Variants in EP400 observed in about 807,000 individuals in gnomAD.
EP400 encodes E1A binding protein p400, also known as E1A-binding protein p400.
EP400 carries 105 observed loss-of-function variants against 354.1 expected under a neutral mutation model. That is an observed-to-expected ratio of 0.30 (90% CI 0.25 to 0.35). The LOEUF is 0.35. Ranked by LOEUF, EP400 falls within the 10% of genes least tolerant of loss-of-function variation. The pLI, the probability that EP400 is intolerant of heterozygous loss-of-function variation, is 1.00. For missense variants in EP400, 3,280 were observed against 4,121.0 expected (o/e 0.80, Z 5.59); for synonymous variants, 1,646 against 1,716.9 (o/e 0.96, Z 1.02).
At chr12:131,987,941 G>GAGTTTGC in intron 7 of EP400, 51 bp downstream of exon 7, 1 of 1,381,998 alleles carries the variant, frequency 7.2e-7, no homozygotes, top group African/African-American at 1.5e-5. Context: ...GTGGGGGCTT[G>GAGTTTGC]AGTTTGCAGT....
chr12:131,979,748 G>C lies in EP400; in HGVS notation c.1390G>C (p.Asp464His). Residue 464 changes from aspartate to histidine, a missense_variant, in exon 3 of 53, where the codon GAC becomes CAC. This residue lies in a region of EP400 where 800 missense variants were observed against 840.0 expected (regional missense o/e 0.95). Transcript: ENST00000389561. ...VAGAGSTVET[D>H]LFKRQQAMPS... The stretch of plus-strand genomic sequence containing the variant: ...AGGGGCCGGAAGCACAGTAGAGACG[G>C]ACCTGTTTAAGAGGCAGCAGGCGAT... 1 of 1,610,636 alleles carries C rather than the reference G, an allele frequency of 6.2e-7. No individual in the cohort carries two copies. The highest frequency in any genetic ancestry group is 8.5e-7 in the Non-Finnish European group (1 of 1,178,380).
chr12:132,046,005 A>G (rs537820666), intron 39 of EP400, 105 bp downstream of exon 39: 1 of 1,411,078 alleles, frequency 7.1e-7, no homozygotes, highest in South Asian at 1.4e-5. Flanking sequence ...GGGCTCCTTC[A>G]TCCCTGTGGG....
chr12:131,995,846 T>G (rs1893193485), intron 12 of EP400, among the ~76,000 whole-genome samples: 3 of 150,096 alleles, frequency 2.0e-5, no homozygotes, highest in Admixed American at 2.0e-4. Flanking sequence ...CCGTTCATCC[T>G]GAGTGTGTGA....
At chr12:131,956,531 C>A (rs1483025796) in intron 1 of EP400, among the ~76,000 whole-genome samples, 1 of 152,078 alleles carries the variant, frequency 6.6e-6, no homozygotes, top group Middle Eastern at 3.4e-3. Flanking sequence ...AGGTTAATTT[C>A]CTTCGGGTAG....
At chr12:132,065,126 G>T (rs962266894) in intron 48 of EP400, 11 of 713,534 alleles carry the variant, frequency 1.5e-5, no homozygotes, top group South Asian at 6.0e-5. Context: ...CTTGAATTGA[G>T]GGGGGTGGAG....
chr12:132,042,749 G>T (rs1894956417), intron 32 of EP400, among the ~76,000 whole-genome samples: 1 of 152,230 alleles, frequency 6.6e-6, no homozygotes, highest in Non-Finnish European at 1.5e-5. Flanking sequence ...TTCAGCAGAT[G>T]AACAGTGGCA....
chr12:131,986,303 C>T (rs1258196962), intron 5 of EP400, among the ~76,000 whole-genome samples: 1 of 152,208 alleles, frequency 6.6e-6, no homozygotes, highest in East Asian at 1.9e-4. Context: ...AATGAAAACT[C>T]CTATTTGGTT....
intron 19 of EP400, among the ~76,000 whole-genome samples, chr12:132,016,016 C>T (rs906348038): frequency 6.6e-6 from 1 of 152,230 alleles, no homozygotes; most frequent in African/African-American, 2.4e-5. Flanking sequence ...GCCGGCCTCT[C>T]CTGGTTCCTG....
chr12:131,992,031 C>A, intron 10 of EP400, 142 bp from the exon 11 acceptor site: 1 of 807,810 alleles, frequency 1.2e-6, no homozygotes, highest in Non-Finnish European at 2.1e-6. Flanking sequence ...GCTGCCCTGC[C>A]CCGACCCCAA....
At chr12:131,953,643 T>G (rs1891594645) in intron 1 of EP400, among the ~76,000 whole-genome samples, 1 of 152,248 alleles carries the variant, frequency 6.6e-6, no homozygotes, top group Non-Finnish European at 1.5e-5. Context: ...GGAACTAGTA[T>G]GGTACTTCTG....
intron 37 of EP400, 47 bp from the exon 38 acceptor site, chr12:132,045,272 G>T (rs768904603): frequency 6.2e-7 from 1 of 1,603,160 alleles, no homozygotes; most frequent in Admixed American, 1.7e-5. Context: ...CTGCCCGTGT[G>T]GAATCTCCTG....
intron 1 of EP400, among the ~76,000 whole-genome samples, chr12:131,951,972 GA>G (rs1891519358): frequency 6.6e-6 from 1 of 151,284 alleles, no homozygotes. Flanking sequence ...TTTTAGTAGA[GA>G]GGGGGTTTCA....
chr12:131,970,386 T>A (rs905986153), intron 2 of EP400, among the ~76,000 whole-genome samples: 4 of 152,170 alleles, frequency 2.6e-5, no homozygotes, highest in Non-Finnish European at 5.9e-5. Context: ...TTGGTCTAGT[T>A]ATTTGGAAAC....
chr12:132,041,200 T>G (rs1693568831), intron 32 of EP400, among the ~76,000 whole-genome samples: 1 of 152,266 alleles, frequency 6.6e-6, no homozygotes, highest in Admixed American at 6.5e-5. Flanking sequence ...TATAGGATTC[T>G]TCTGTCATTG....
chr12:132,066,815 G>A lies in EP400; in HGVS notation c.8595G>A (p.Met2865Ile), dbSNP rs1053341171. The change falls in exon 49 of 53, where the codon ATG becomes ATA. Residue 2865 changes from methionine (M) to isoleucine (I), a missense_variant. By Grantham distance (10) the Met-to-Ile change is conservative. Around this residue, in one of 20 missense-constraint regions of EP400, gnomAD observed 279 missense variants for 386.7 expected, o/e 0.72. Transcript: ENST00000389561. ...CTCAGCTGCAGGCGCAAGGGCAGAT[G>A]CAGACCCAGGCACCCCAGCCAGCCC... Reference protein sequence around the residue: ...PTSQLQAQGQMQTQAPQPAQV... With the variant: ...PTSQLQAQGQIQTQAPQPAQV... 2 of 1,613,952 alleles carry A rather than the reference G, an allele frequency of 1.2e-6. No homozygotes were observed. The highest frequency in any genetic ancestry group is 2.7e-5 in the African/African-American group (2 of 75,008).
chr12:131,997,098 C>G (rs1893240182), intron 12 of EP400, among the ~76,000 whole-genome samples: 2 of 152,062 alleles, frequency 1.3e-5, no homozygotes, highest in South Asian at 4.1e-4. Context: ...TACAGTTGAC[C>G]CTTGAACAAT....
chr12:132,059,444 A>G (rs1244190084), intron 45 of EP400, among the ~76,000 whole-genome samples: 1 of 151,616 alleles, frequency 6.6e-6, no homozygotes, highest in African/African-American at 2.4e-5. Flanking sequence ...TGTCTCCCGC[A>G]CTCCCTCACA....
chr12:132,010,235 C>T (rs1025032813), intron 15 of EP400, among the ~76,000 whole-genome samples: 2 of 150,924 alleles, frequency 1.3e-5, no homozygotes, highest in Non-Finnish European at 3.0e-5. Flanking sequence ...TACAGGCACA[C>T]GCCACCACGC....
rs958626226 is a variant in EP400, at chr12:132,079,502, ATTTGT to A, written c.*1833_*1837del. ...AGTATCTAGGAATTCTGCCTTTGTC[ATTTGT>A]TTTAATTTGTGTGCCCTGTTCATTT... is the stretch of plus-strand genomic sequence containing the variant. On this transcript the variant is annotated 3_prime_UTR_variant, in exon 53 of 53. Transcript: ENST00000389561. 3.3e-5 allele frequency: 5 copies of A among 152,182 alleles called. No individual in the cohort carries two copies. Among genetic ancestry groups the A allele is most frequent in the Admixed American group, 3.3e-4 (5 of 15,276 alleles). 9.4% of individuals were successfully genotyped at this position (152,182 alleles called of 1,614,324 possible). A position where few individuals can be genotyped will look rare whatever the true frequency, so the allele number is the denominator to read the frequency against.
Sources: allele counts gnomAD v4.1 joint callset (sites outside exome capture counted in the v4.1 genomes callset), GRCh38; gene constraint gnomAD v4.1.1; regional missense constraint gnomAD v4.1.1; transcripts MANE v1.5; gene names NCBI Gene and HGNC (gene_info 2026-07-23, HGNC 2026-07-21).